The following CACNA1C variants were observed in gnomAD, a reference collection of about 807,000 sequenced individuals.
CACNA1C encodes the protein calcium voltage-gated channel subunit alpha1 C, also known as voltage-dependent L-type calcium channel subunit alpha-1C.
In CACNA1C, 30 loss-of-function variants were observed where a neutral mutation model predicts 229.0. That is an observed-to-expected ratio of 0.13 (90% CI 0.10 to 0.18). CACNA1C has a LOEUF of 0.18. Ranked by LOEUF, CACNA1C falls within the 10% of genes least tolerant of loss-of-function variation. The pLI, the probability that CACNA1C is intolerant of heterozygous loss-of-function variation, is 1.00. For synonymous variants in CACNA1C, 1,114 were observed against 1,132.5 expected (o/e 0.98, Z 0.33); for missense variants, 1,658 against 2,845.0 (o/e 0.58, Z 9.49).
At chr12:2,303,930 T>G (rs1020245554) in intron 3 of CACNA1C, among the ~76,000 whole-genome samples, 24 of 152,316 alleles carry the variant, frequency 1.6e-4, no homozygotes, top group Admixed American at 3.3e-4. Flanking sequence ...TGCACCCCAG[T>G]TCGTATCTGC....
chr12:2,432,933 C>A (rs2099100262), intron 3 of CACNA1C, among the ~76,000 whole-genome samples: 1 of 152,168 alleles, frequency 6.6e-6, no homozygotes, highest in Non-Finnish European at 1.5e-5. Flanking sequence ...GCAAACAAAG[C>A]AGACACTGAG....
chr12:2,116,433 G>C (rs892196805), intron 2 of CACNA1C, among the ~76,000 whole-genome samples: 1 of 150,780 alleles, frequency 6.6e-6, no homozygotes, highest in Non-Finnish European at 1.5e-5. Flanking sequence ...GTGCAGTGGT[G>C]CCGTCTCGGC....
At chr12:1,997,403 C>G (rs531873920) in intron 1 of CACNA1C, among the ~76,000 whole-genome samples, 1 of 152,182 alleles carries the variant, frequency 6.6e-6, no homozygotes, top group Non-Finnish European at 1.5e-5. Context: ...GCCTGTAATC[C>G]CAGCTACTCA....
At chr12:2,064,990 A>G (rs2058811875) in intron 1 of CACNA1C, among the ~76,000 whole-genome samples, 1 of 152,194 alleles carries the variant, frequency 6.6e-6, no homozygotes, top group South Asian at 2.1e-4. Flanking sequence ...TTTGAAGGCC[A>G]ATGTACTTAA....
rs540523003 is a variant in CACNA1C at position 2,692,927 on chromosome 12, A to C, written c.*1728A>C. On this transcript the variant is annotated 3_prime_UTR_variant, in exon 47 of 47. Coordinates refer to ENST00000399655, the MANE Select transcript of CACNA1C (RefSeq NM_000719.7). The stretch of plus-strand genomic sequence containing the variant: ...GTAAAGTAAATCATTTTGTATTTGG[A>C]GTGTGACAAGCTTTACCTTTGAACT... 1 of 152,692 alleles carries C rather than the reference A, an allele frequency of 6.5e-6. No individual in the cohort carries two copies. The highest frequency in any genetic ancestry group is 1.9e-4 in the East Asian group (1 of 5,170). 9.5% of individuals were successfully genotyped at this position (152,692 alleles called of 1,614,324 possible).
chr12:1,995,941 T>C (rs2040691680), intron 1 of CACNA1C, among the ~76,000 whole-genome samples: 1 of 152,180 alleles, frequency 6.6e-6, no homozygotes, highest in Admixed American at 6.5e-5. Flanking sequence ...TCCAAATCAT[T>C]ACTTCAAAGT....
chr12:2,428,845 C>T (rs894782129), intron 3 of CACNA1C, among the ~76,000 whole-genome samples: 20 of 152,316 alleles, frequency 1.3e-4, no homozygotes, highest in African/African-American at 4.8e-4. Flanking sequence ...GTGTCCAAGC[C>T]TTGTCACGCT....
At chr12:2,286,556 G>A (rs573666086) in intron 3 of CACNA1C, among the ~76,000 whole-genome samples, 1 of 152,214 alleles carries the variant, frequency 6.6e-6, no homozygotes, top group Admixed American at 6.5e-5. Flanking sequence ...GGGCTTCTCT[G>A]GGTGGCTGAA....
intron 3 of CACNA1C, among the ~76,000 whole-genome samples, chr12:2,409,700 T>C (rs1313100422): frequency 2.6e-5 from 4 of 152,128 alleles, no homozygotes; most frequent in Admixed American, 2.6e-4. Context: ...TTCCTCGCAG[T>C]CCCCCCCAAA....
At chr12:2,045,127 G>A (rs1480075380) in intron 1 of CACNA1C, among the ~76,000 whole-genome samples, 1 of 152,184 alleles carries the variant, frequency 6.6e-6, no homozygotes, top group Non-Finnish European at 1.5e-5. Context: ...AATGAGGGTT[G>A]ATGGCTGATT....
chr12:2,309,782 A>G (rs1173918068), intron 3 of CACNA1C, among the ~76,000 whole-genome samples: 1 of 152,230 alleles, frequency 6.6e-6, no homozygotes, highest in African/African-American at 2.4e-5. Context: ...ATCTGCACAG[A>G]TATGGCCCCT....
rs115229795 is a variant in CACNA1C at position 2,376,632 on chromosome 12, C to T, written c.478-72344C>T. Among the ~76,000 whole-genome samples, 698 of 152,270 alleles carry T rather than the reference C, an allele frequency of 4.6e-3. 3 individuals are homozygous for T. Among genetic ancestry groups the T allele is most frequent in the African/African-American group, 0.016 (664 of 41,542 alleles). ...TACCTTTCTGTAATAGGCTAGGGGG[C>T]TGTGAGCTGCAGTATATTTCTGCTC... is the stretch of plus-strand genomic sequence containing the variant. On this transcript the variant is annotated intron_variant, in intron 3 of 46. Transcript: ENST00000399655.
chr12:2,007,636 A>G (rs778791877), intron 1 of CACNA1C, among the ~76,000 whole-genome samples: 35 of 152,262 alleles, frequency 2.3e-4, no homozygotes, highest in Admixed American at 7.8e-4. Flanking sequence ...CAACATGCTA[A>G]TATGACCCTT....
chr12:2,346,559 T>C lies in CACNA1C; in HGVS notation c.478-102417T>C, dbSNP rs2097031128. On this transcript the variant is annotated intron_variant, in intron 3 of 46. Transcript: ENST00000399655. The surrounding 1 kb of genome is among the most constrained non-coding windows in gnomAD (Gnocchi z 4.4). ...GCCCCTGTGTTAGGATGGCTGTGGC[T>C]CAGTCACATACTCCCCCATTTCTCT... 6.6e-6 allele frequency among the ~76,000 whole-genome samples: 1 copy of C among 152,126 alleles called. No individual in the cohort carries two copies. The highest frequency in any genetic ancestry group is 2.1e-4 in the South Asian group (1 of 4,822).
chr12:2,059,478 A>G (rs1295205318), intron 1 of CACNA1C, among the ~76,000 whole-genome samples: 1 of 152,068 alleles, frequency 6.6e-6, no homozygotes, highest in Non-Finnish European at 1.5e-5. Context: ...GCAGAGGGTG[A>G]GGAAAGCGGG....
At chr12:2,634,503 T>A in intron 30 of CACNA1C, 123 bp downstream of exon 30, 1 of 448,352 alleles carries the variant, frequency 2.2e-6, no homozygotes. Context: ...TTTTAATTTG[T>A]TTGTTTGAAT....
intron 13 of CACNA1C, among the ~76,000 whole-genome samples, chr12:2,574,675 C>T (rs2057725752): frequency 6.6e-6 from 1 of 152,254 alleles, no homozygotes; most frequent in African/African-American, 2.4e-5. Flanking sequence ...CTACCAGCAT[C>T]TGGCCTTGAG....
rs1462869276 is a variant in CACNA1C, at chr12:2,538,508, G to A, written c.1391-11435G>A. 2.0e-5 allele frequency among the ~76,000 whole-genome samples: 3 copies of A among 151,852 alleles called. No individual in the cohort carries two copies. In the South Asian group the frequency reaches 6.3e-4, roughly 32 times the overall value. On this transcript the variant is annotated intron_variant, in intron 9 of 46. Coordinates refer to ENST00000399655, the MANE Select transcript of CACNA1C (RefSeq NM_000719.7). The stretch of plus-strand genomic sequence containing the variant: ...ATTCTACAACCTTCTTTTCTCTTTT[G>A]CCATTCCTTTCCTTTCTTTTCCTTA...
intron 1 of CACNA1C, among the ~76,000 whole-genome samples, chr12:2,093,496 G>A (rs1357690148): frequency 2.0e-5 from 3 of 152,256 alleles, no homozygotes; most frequent in African/African-American, 4.8e-5. Context: ...ATGGAAGTGG[G>A]TATGCTTTGT....
Sources: gnomAD v4.1 joint callset for allele counts (sites outside exome capture counted in the v4.1 genomes callset) on GRCh38, gnomAD v4.1.1 for gene constraint, Gnocchi (gnomAD v3.1) non-coding constraint, MANE v1.5 for transcripts, NCBI Gene and HGNC (gene_info 2026-07-23, HGNC 2026-07-21) for gene names.